SLC25A12: variants seen among roughly 807,000 people sequenced by gnomAD.
The protein encoded by SLC25A12 is electrogenic aspartate/glutamate antiporter SLC25A12, mitochondrial.
In SLC25A12, 32 loss-of-function variants were observed where a neutral mutation model predicts 83.3. The ratio of observed to expected loss-of-function variants is 0.38; its 90% confidence interval spans 0.29 to 0.52. The LOEUF is 0.52. SLC25A12 is among the 20% of genes least tolerant of loss of function. The pLI is 0.84. For synonymous variants in SLC25A12, 267 were observed against 291.1 expected (o/e 0.92, Z 0.84); for missense variants, 611 against 835.6 (o/e 0.73, Z 3.31).
chr2:171,786,375 C>G (rs1690489961), intron 17 of SLC25A12, among the ~76,000 whole-genome samples: 1 of 105,470 alleles, frequency 9.5e-6, no homozygotes, highest in African/African-American at 3.5e-5. Flanking sequence ...CAGAGCAAGA[C>G]TCCGTCTAAA....
At chr2:171,845,841 G>T (rs1421864282) in intron 4 of SLC25A12, 1 of 455,044 alleles carries the variant, frequency 2.2e-6, no homozygotes, top group Non-Finnish European at 4.4e-6. Flanking sequence ...GAAATGGAAT[G>T]CAGGATTCAT....
intron 4 of SLC25A12, among the ~76,000 whole-genome samples, chr2:171,847,379 C>T (rs1684820347): frequency 6.6e-6 from 1 of 152,204 alleles, no homozygotes; most frequent in Admixed American, 6.6e-5. Flanking sequence ...TATATAAAAG[C>T]TCCAGAACTG....
intron 2 of SLC25A12, among the ~76,000 whole-genome samples, chr2:171,882,841 T>C (rs780632602): frequency 6.6e-6 from 1 of 152,182 alleles, no homozygotes; most frequent in Non-Finnish European, 1.5e-5. Context: ...AAAATATGTA[T>C]TTTTTCAAGT....
chr2:171,876,549 G>GA (rs1558941966), intron 2 of SLC25A12, among the ~76,000 whole-genome samples: 2 of 143,298 alleles, frequency 1.4e-5, no homozygotes, highest in African/African-American at 5.0e-5. Context: ...TTTTTGGGGG[G>GA]GGGGGGACTC....
At chr2:171,793,044 AT>A (rs1442233941) in intron 14 of SLC25A12, among the ~76,000 whole-genome samples, 3 of 151,906 alleles carry the variant, frequency 2.0e-5, no homozygotes. Context: ...ATCTGTAATG[AT>A]GGGAGTAAGT....
Position 171,783,624 on chromosome 2 carries a change from A to G in SLC25A12, c.*1650T>C, listed in dbSNP as rs1455783446. Among the ~76,000 whole-genome samples the G allele has an allele frequency of 1.3e-5, 2 of 152,184 alleles. No individual in the cohort carries two copies. Among genetic ancestry groups the G allele is most frequent in the South Asian group, 2.1e-4 (1 of 4,828 alleles). The stretch of plus-strand genomic sequence containing the variant: ...CTGGGCCAGGAAGTGGTGGAGGTAG[A>G]AGGAGGGTAAGCGGGACACTTTCCC... On this transcript the variant is annotated 3_prime_UTR_variant, in exon 18 of 18. Coordinates refer to ENST00000422440, the MANE Select transcript of SLC25A12 (RefSeq NM_003705.5).
chr2:171,841,603 A>G (rs145329978), intron 5 of SLC25A12, among the ~76,000 whole-genome samples: 175 of 151,252 alleles, frequency 1.2e-3, no homozygotes, highest in Middle Eastern at 3.5e-3. Flanking sequence ...GAACTCCTGG[A>G]CTCAAGTGAT....
chr2:171,864,195 G>T (rs750231042), intron 3 of SLC25A12, among the ~76,000 whole-genome samples: 1 of 152,060 alleles, frequency 6.6e-6, no homozygotes, highest in African/African-American at 2.4e-5. Flanking sequence ...TTACTGCCTA[G>T]TTTCTCAAAG....
chr2:171,855,315 G>A (rs1685024267), intron 4 of SLC25A12, among the ~76,000 whole-genome samples: 1 of 152,098 alleles, frequency 6.6e-6, no homozygotes, highest in Non-Finnish European at 1.5e-5. Flanking sequence ...ATGTCAGATG[G>A]CAATTTTAAT....
At chr2:171,787,103 G>A (rs937152280) in intron 17 of SLC25A12, among the ~76,000 whole-genome samples, 3 of 152,140 alleles carry the variant, frequency 2.0e-5, no homozygotes, top group Admixed American at 6.5e-5. Flanking sequence ...ACTTTGGGAG[G>A]CCAAGGCTGG....
chr2:171,788,506 A>C (rs1033225150), intron 15 of SLC25A12: 1 of 158,484 alleles, frequency 6.3e-6, no homozygotes, highest in Non-Finnish European at 1.4e-5. Context: ...AGTCATTACA[A>C]CTGGAGCAAG....
At chr2:171,837,955 A>G (rs1684592600) in intron 5 of SLC25A12, among the ~76,000 whole-genome samples, 1 of 152,246 alleles carries the variant, frequency 6.6e-6, no homozygotes, top group Non-Finnish European at 1.5e-5. Flanking sequence ...TTGGGCAACC[A>G]AACTTTGTAA....
intron 11 of SLC25A12, among the ~76,000 whole-genome samples, chr2:171,812,621 G>GA (rs1263755986): frequency 1.3e-5 from 2 of 151,792 alleles, no homozygotes; most frequent in Admixed American, 6.6e-5. Context: ...AAAGACAACG[G>GA]GGGGTGGGGA....
At chr2:171,844,272 T>C (rs563062694) in intron 5 of SLC25A12, 97 bp downstream of exon 5, 200 of 1,336,748 alleles carry the variant, frequency 1.5e-4, no homozygotes, top group Non-Finnish European at 2.0e-4. Flanking sequence ...TGAAATACCA[T>C]GGAGAACTTC....
chr2:171,871,978 A>G (rs1685467055), intron 2 of SLC25A12, among the ~76,000 whole-genome samples: 1 of 56,022 alleles, frequency 1.8e-5, no homozygotes, highest in South Asian at 7.4e-4. Flanking sequence ...GCTATAGAAC[A>G]AAAATAAAAA....
intron 4 of SLC25A12, among the ~76,000 whole-genome samples, chr2:171,853,984 A>G (rs1684991856): frequency 6.6e-6 from 1 of 152,272 alleles, no homozygotes; most frequent in African/African-American, 2.4e-5. Context: ...CACACAGGAT[A>G]TAAGCACAGG....
chr2:171,815,181 G>T lies in SLC25A12; in HGVS notation c.952C>A (p.Pro318Thr). The change falls in exon 10 of 18, where the codon CCT (proline) becomes ACT (threonine). Residue 318 changes from proline to threonine, a missense_variant. Physicochemically the swap from Pro to Thr is conservative, Grantham distance 38. Coordinates refer to ENST00000422440, the MANE Select transcript of SLC25A12 (RefSeq NM_003705.5). Reference sequence around the variant, plus strand: ...GACTCGGCAATCTGGAGCCAGATAGGCCTGCCTAACCCAGGAGACTGCTGC... The same window carrying T: ...GACTCGGCAATCTGGAGCCAGATAGTCCTGCCTAACCCAGGAGACTGCTGC... ...QRQQSPGLGR[P>T]IWLQIAESAY... The T allele has an allele frequency of 1.2e-6, 2 of 1,613,670 alleles. No homozygotes were observed. The highest frequency in any genetic ancestry group is 1.7e-6 in the Non-Finnish European group (2 of 1,179,726).
intron 4 of SLC25A12, among the ~76,000 whole-genome samples, chr2:171,850,329 T>A (rs563646632): frequency 1.4e-5 from 2 of 140,718 alleles, no homozygotes; most frequent in Admixed American, 1.5e-4. Context: ...TTGGCCAGGC[T>A]GGTCTTTGTT....
chr2:171,790,046 C>T (rs1683407707), intron 15 of SLC25A12, among the ~76,000 whole-genome samples: 1 of 152,176 alleles, frequency 6.6e-6, no homozygotes, highest in East Asian at 1.9e-4. Context: ...TGCTGGGCCC[C>T]AAATAAGGGC....
Sources: gnomAD v4.1 joint callset for allele counts (sites outside exome capture counted in the v4.1 genomes callset) on GRCh38, gnomAD v4.1.1 for gene constraint, MANE v1.5 for transcripts, NCBI Gene and HGNC (gene_info 2026-07-23, HGNC 2026-07-21) for gene names.